Variants in PRRC2B observed in about 807,000 individuals in gnomAD.
The protein encoded by PRRC2B is protein PRRC2B.
Under a neutral mutation model 242.3 loss-of-function variants are expected in PRRC2B, and 68 were observed. That is an observed-to-expected ratio of 0.28 (90% CI 0.23 to 0.34). PRRC2B has a LOEUF of 0.34. Among genes scored for constraint, PRRC2B ranks in the 10% least tolerant of loss-of-function variants. The pLI, the probability that PRRC2B is intolerant of heterozygous loss-of-function variation, is 1.00. For synonymous variants in PRRC2B, 1,228 were observed against 1,173.6 expected, an observed-to-expected ratio of 1.05 and a Z score of -0.95; for missense variants, 2,835 against 2,954.8, an observed-to-expected ratio of 0.96 and a Z score of 0.94.
chr9:131,458,057 G>T (rs1163682538), intron 10 of PRRC2B, among the ~76,000 whole-genome samples: 2 of 152,056 alleles, frequency 1.3e-5, no homozygotes, highest in Non-Finnish European at 2.9e-5. Flanking sequence ...GTCCAGACGA[G>T]CATGGCACCC....
intron 14 of PRRC2B, among the ~76,000 whole-genome samples, chr9:131,471,577 C>G (rs1002511088): frequency 2.0e-5 from 3 of 152,174 alleles, no homozygotes; most frequent in African/African-American, 7.2e-5. Flanking sequence ...GTCTTTTAGG[C>G]CTTGATCAGC....
intron 10 of PRRC2B, among the ~76,000 whole-genome samples, chr9:131,456,587 CGCCACAT>C (rs1943087041): frequency 6.6e-6 from 1 of 151,610 alleles, no homozygotes; most frequent in East Asian, 1.9e-4. Flanking sequence ...GCCGAGATCA[CGCCACAT>C]GCCACTGCAC....
At position 131,376,086 on chromosome 9, in the gene PRRC2B, C is replaced by A. The variant is rs373848711; in HGVS notation, c.-56+2355C>A. On this transcript the variant is annotated intron_variant, in intron 1 of 1. Transcript: ENST00000682525. The stretch of plus-strand genomic sequence containing the variant: ...AAAAAAGGCCGGGCATGGTGGCTCA[C>A]GTCTGTAATCCCAGCACTTTGGAAG... Among the ~76,000 whole-genome samples, 6 of 147,668 alleles carry A rather than the reference C, an allele frequency of 4.1e-5. No individual in the cohort carries two copies. The East Asian group carries it at 1.2e-3, about 29-fold the overall frequency.
chr9:131,486,298 A>T (rs1404832954), intron 26 of PRRC2B, 116 bp downstream of exon 26: 2 of 869,488 alleles, frequency 2.3e-6, no homozygotes, highest in Admixed American at 4.9e-5. Context: ...TCCCCCTCAC[A>T]TGTGGTGACC....
rs1237769914 is a variant in PRRC2B at position 131,499,313 on chromosome 9, T to C, written c.*3439T>C. 1.3e-5 allele frequency: 2 copies of C among 152,224 alleles called. No homozygotes were observed. Among genetic ancestry groups the C allele is most frequent in the African/African-American group, 4.8e-5 (2 of 41,452 alleles). 9.4% of individuals were successfully genotyped at this position (152,224 alleles called of 1,614,324 possible). On this transcript the variant is annotated 3_prime_UTR_variant, in exon 32 of 32. Coordinates refer to ENST00000683519, the MANE Select transcript of PRRC2B (RefSeq NM_013318.4). ...CAGCATGGCAGCTCTGGTGGAGCCT[T>C]CTCCCTTGCCATTTGGTTCCCCTGT...
chr9:131,422,947 G>A lies in PRRC2B; in HGVS notation c.-51-7147G>A, dbSNP rs112991695. On this transcript the variant is annotated intron_variant, in intron 1 of 31. Coordinates refer to ENST00000683519, the MANE Select transcript of PRRC2B (RefSeq NM_013318.4). ...GCAATATTTTCTTTTAGGCTGGCAA[G>A]TTTCAGAATGCTCTAGCTCCCCGTG... Among the ~76,000 whole-genome samples the A allele has an allele frequency of 8.3e-3, 1,266 of 152,264 alleles. 17 individuals are homozygous for A. The highest frequency in any genetic ancestry group is 0.027 in the African/African-American group (1,139 of 41,546).
chr9:131,389,224 C>T (rs1164322594), upstream of PRRC2B, among the ~76,000 whole-genome samples: 3 of 146,066 alleles, frequency 2.1e-5, no homozygotes, highest in Non-Finnish European at 3.0e-5. Context: ...GGGATCACGG[C>T]TTACCACAAC....
At chr9:131,477,299 A>G (rs1943731734) in intron 16 of PRRC2B, among the ~76,000 whole-genome samples, 1 of 152,212 alleles carries the variant, frequency 6.6e-6, no homozygotes, top group Non-Finnish European at 1.5e-5. Context: ...CCAGAGAAGG[A>G]GCCACAGGGA....
rs2131463233 is a variant in PRRC2B at position 131,482,550 on chromosome 9, A to G, written c.5163A>G (p.Pro1721=). Residue 1721 remains proline (P), a synonymous_variant, in exon 21 of 32, where the codon CCA becomes CCG. Coordinates refer to ENST00000683519, the MANE Select transcript of PRRC2B (RefSeq NM_013318.4). The surrounding 1 kb of genome is among the most constrained non-coding windows in gnomAD (Gnocchi z 5.2). The part of the protein sequence containing the change: ...ADSHKEQAPK[P]SEQKDSEQGS... ...GCCACAAGGAGCAGGCTCCAAAGCC[A>G]TCTGAGCAGAAGGTAACCTGGACGT... is the stretch of plus-strand genomic sequence containing the variant. 22 of 1,600,508 alleles carry G rather than the reference A, an allele frequency of 1.4e-5. No homozygotes were observed. Among genetic ancestry groups the G allele is most frequent in the Non-Finnish European group, 1.9e-5 (22 of 1,171,040 alleles).
chr9:131,484,599 G>C (rs1943962429), intron 23 of PRRC2B, 87 bp from the exon 24 acceptor site: 4 of 1,049,206 alleles, frequency 3.8e-6, no homozygotes, highest in African/African-American at 3.2e-5. Flanking sequence ...CGAGCCTTGA[G>C]TGTGTTCAGG....
chr9:131,463,359 A>G (rs1464698207), intron 11 of PRRC2B, among the ~76,000 whole-genome samples: 1 of 152,140 alleles, frequency 6.6e-6, no homozygotes, highest in African/African-American at 2.4e-5. Context: ...AAAGGCCTAG[A>G]TCCTGTTTCC....
chr9:131,491,064 G>A (rs1184332635), intron 28 of PRRC2B: 2 of 244,480 alleles, frequency 8.2e-6, no homozygotes, highest in Non-Finnish European at 1.6e-5. Context: ...TATGCTTTCA[G>A]TAAGCACTTG....
At chr9:131,439,145 G>A in intron 5 of PRRC2B, 84 bp downstream of exon 5, 1 of 1,183,888 alleles carries the variant, frequency 8.4e-7, no homozygotes, top group Non-Finnish European at 1.2e-6. Flanking sequence ...GTTGGGTCTA[G>A]GCACCCAGAA....
rs149287926 is a variant in PRRC2B, at chr9:131,444,883, C to T, written c.613+555C>T. On this transcript the variant is annotated intron_variant, in intron 6 of 31. Coordinates refer to ENST00000683519, the MANE Select transcript of PRRC2B (RefSeq NM_013318.4). The stretch of plus-strand genomic sequence containing the variant: ...TGTGTAGCACTGGCTGGAAATTTCT[C>T]CTTGGAAGCCGAGGGTGGCTGGAGG... Among the ~76,000 whole-genome samples, 437 of 152,266 alleles carry T rather than the reference C, an allele frequency of 2.9e-3. 1 individual carries two copies. The highest frequency in any genetic ancestry group is 0.014 in the Middle Eastern group (4 of 294).
intron 5 of PRRC2B, among the ~76,000 whole-genome samples, chr9:131,441,058 C>G (rs1377367996): frequency 6.6e-6 from 1 of 152,112 alleles, no homozygotes; most frequent in East Asian, 1.9e-4. Flanking sequence ...GCTGTGGTCA[C>G]ACTCCTGTAC....
intron 1 of PRRC2B, among the ~76,000 whole-genome samples, chr9:131,418,366 A>T (rs917637839): frequency 6.6e-6 from 1 of 152,204 alleles, no homozygotes; most frequent in Non-Finnish European, 1.5e-5. Context: ...TTTGCCCCAG[A>T]GAGTGTTTAC....
At chr9:131,382,267 T>C (rs1027582325) in intron 1 of PRRC2B, among the ~76,000 whole-genome samples, 1 of 152,172 alleles carries the variant, frequency 6.6e-6, no homozygotes, top group Non-Finnish European at 1.5e-5. Context: ...TCCACCCTCC[T>C]CGGCTTCTCA....
upstream of PRRC2B, among the ~76,000 whole-genome samples, chr9:131,389,927 GT>G (rs111552315): frequency 7.6e-5 from 8 of 105,548 alleles, no homozygotes; most frequent in Admixed American, 1.2e-4. Context: ...TTTTTTTTTT[GT>G]TTTTTTTTTT....
chr9:131,455,478 G>A (rs1480117061), intron 10 of PRRC2B, among the ~76,000 whole-genome samples: 1 of 149,422 alleles, frequency 6.7e-6, no homozygotes, highest in South Asian at 2.1e-4. Flanking sequence ...CTGTGGCCAA[G>A]CAAGTTTGGG....
Sources: gnomAD v4.1 joint callset for allele counts (sites outside exome capture counted in the v4.1 genomes callset) on GRCh38, gnomAD v4.1.1 for gene constraint, Gnocchi (gnomAD v3.1) non-coding constraint, MANE v1.5 for transcripts, NCBI Gene and HGNC (gene_info 2026-07-23, HGNC 2026-07-21) for gene names.